Variants in ANK2 observed in about 807,000 individuals in gnomAD.
ANK2 encodes ankyrin 2.
In ANK2, 83 loss-of-function variants were observed where a neutral mutation model predicts 360.5. The observed-to-expected ratio is 0.23, with a 90% confidence interval of 0.19 to 0.28. The LOEUF (loss-of-function observed/expected upper bound fraction) is 0.28, where lower values mean the gene tolerates loss of function less well. ANK2 is among the 10% of genes least tolerant of loss of function. The pLI, the probability that ANK2 is intolerant of heterozygous loss-of-function variation, is 1.00. For missense variants in ANK2, 4,201 were observed against 4,795.7 expected (o/e 0.88, Z 3.66); for synonymous variants, 1,740 against 1,759.5 (o/e 0.99, Z 0.28).
intron 1 of ANK2, among the ~76,000 whole-genome samples, chr4:113,148,481 A>G (rs1421175581): frequency 3.3e-5 from 5 of 151,920 alleles, no homozygotes; most frequent in East Asian, 1.9e-4. Flanking sequence ...ATTTTTAACA[A>G]TTTTTCCCAA....
At chr4:113,051,151 T>C (rs1170357422) in intron 1 of ANK2, among the ~76,000 whole-genome samples, 4 of 151,830 alleles carry the variant, frequency 2.6e-5, no homozygotes, top group Non-Finnish European at 5.9e-5. Context: ...TGTTAGCTAA[T>C]TGAACAACAT....
chr4:112,810,427 T>C, the ANK2 span, among the ~76,000 whole-genome samples: 2 of 152,148 alleles, frequency 1.3e-5, no homozygotes, highest in African/African-American at 4.8e-5. Flanking sequence ...GGCCCCAGTG[T>C]GTTTTCCAGC....
Position 113,353,879 on chromosome 4 carries a change from C to G in ANK2, c.5261C>G (p.Thr1754Arg). Reference sequence around the variant, plus strand: ...GAACCCCTTCCCACTGTCAAGGCCACATCTCCTTTGATAGAAGAAACTCCC... The same window carrying G: ...GAACCCCTTCCCACTGTCAAGGCCAGATCTCCTTTGATAGAAGAAACTCCC... Reference protein sequence around the residue: ...APEPLPTVKATSPLIEETPIG... With the variant: ...APEPLPTVKARSPLIEETPIG... Residue 1754 changes from threonine to arginine, a missense_variant, in exon 38 of 46, where the codon ACA becomes AGA. Transcript: ENST00000357077. 1 of 1,614,080 alleles carries G rather than the reference C, an allele frequency of 6.2e-7. No individual in the cohort carries two copies. Among genetic ancestry groups the G allele is most frequent in the Non-Finnish European group, 8.5e-7 (1 of 1,179,970 alleles).
chr4:113,250,316 G>T (rs1369018869), intron 10 of ANK2, among the ~76,000 whole-genome samples: 1 of 152,182 alleles, frequency 6.6e-6, no homozygotes, highest in Non-Finnish European at 1.5e-5. Flanking sequence ...TTACTCAACA[G>T]TGGCATTGGT....
chr4:112,791,747 TC>T, the ANK2 span, among the ~76,000 whole-genome samples: 1 of 152,048 alleles, frequency 6.6e-6, no homozygotes, highest in Non-Finnish European at 1.5e-5. Flanking sequence ...CACCTCGGCC[TC>T]CCAAAGTGCT....
the ANK2 span, among the ~76,000 whole-genome samples, chr4:112,781,008 T>C: frequency 1.3e-5 from 2 of 152,212 alleles, no homozygotes; most frequent in African/African-American, 4.8e-5. Context: ...AAAAAGTTAT[T>C]ATTTTTTTGA....
chr4:113,359,010 G>T lies in ANK2; in HGVS notation c.10392G>T (p.Lys3464Asn). The T allele has an allele frequency of 6.2e-7, 1 of 1,614,108 alleles. No individual in the cohort carries two copies. The highest frequency in any genetic ancestry group is 8.5e-7 in the Non-Finnish European group (1 of 1,179,966). The change falls in exon 38 of 46, where the codon AAG becomes AAT. Residue 3464 changes from lysine to asparagine, a missense_variant. Lys to Asn is a moderately conservative substitution (Grantham distance 94). Transcript: ENST00000357077. ...RGGTSPTKES[K>N]EHFFDLYRNS... is the part of the protein sequence containing the mutation. ...GCACGAGCCCCACAAAAGAAAGTAA[G>T]GAGCATTTCTTTGACCTTTACAGAA...
intron 29 of ANK2, among the ~76,000 whole-genome samples, chr4:113,335,248 C>A (rs561048864): frequency 6.6e-6 from 1 of 152,144 alleles, no homozygotes; most frequent in African/African-American, 2.4e-5. Context: ...AATATTGAAA[C>A]CCTGAATTCC....
chr4:113,173,546 T>G (rs1021939411), intron 1 of ANK2, among the ~76,000 whole-genome samples: 4 of 152,052 alleles, frequency 2.6e-5, no homozygotes, highest in African/African-American at 9.7e-5. Context: ...TTTATCATCG[T>G]TATTATGTTA....
At chr4:112,783,338 G>A in the ANK2 span, among the ~76,000 whole-genome samples, 1 of 152,120 alleles carries the variant, frequency 6.6e-6, no homozygotes, top group African/African-American at 2.4e-5. Flanking sequence ...TTATATGTTG[G>A]GCTGGAACAT....
rs1240680223 is a variant in ANK2 at position 112,986,170 on chromosome 4, A to G, written c.21+81656A>G. ...TTCAAAATCCAGGTAAGTTCAGTTT[A>G]ACTCTCTAGTTTTTTTTTGATAATT... On this transcript the variant is annotated intron_variant, in intron 2 of 30. Transcript: ENST00000503271. 2.0e-5 allele frequency among the ~76,000 whole-genome samples: 3 copies of G among 151,400 alleles called. No individual in the cohort carries two copies. In the East Asian group the frequency reaches 5.8e-4, roughly 29 times the overall value.
intron 17 of ANK2, among the ~76,000 whole-genome samples, chr4:113,279,962 A>G (rs1380669483): frequency 6.6e-6 from 1 of 152,080 alleles, no homozygotes; most frequent in Non-Finnish European, 1.5e-5. Flanking sequence ...ATTCATTTGC[A>G]TATCTATGAG....
chr4:113,090,408 T>C (rs966719062), intron 1 of ANK2, among the ~76,000 whole-genome samples: 1 of 152,226 alleles, frequency 6.6e-6, no homozygotes, highest in African/African-American at 2.4e-5. Context: ...TTACTTCTTT[T>C]TTTAAGGGAT....
At chr4:113,333,605 G>C (rs1009367759) in intron 29 of ANK2, among the ~76,000 whole-genome samples, 4 of 152,112 alleles carry the variant, frequency 2.6e-5, no homozygotes, top group African/African-American at 9.7e-5. Flanking sequence ...TGCCTAACTT[G>C]AAACATTAGA....
At chr4:112,752,148 T>A in the ANK2 span, among the ~76,000 whole-genome samples, 2 of 152,232 alleles carry the variant, frequency 1.3e-5, no homozygotes, top group Admixed American at 1.3e-4. Flanking sequence ...TATTCTCCAC[T>A]GGACACTGTG....
intron 1 of ANK2, 61 bp downstream of exon 1, chr4:113,049,873 G>A: frequency 6.3e-7 from 1 of 1,577,864 alleles, no homozygotes; most frequent in Non-Finnish European, 8.7e-7. Context: ...ATGTGTGAGT[G>A]TGTAATATCA....
At chr4:112,711,060 G>T in the ANK2 span, among the ~76,000 whole-genome samples, 50,600 of 150,792 alleles carry the variant, frequency 0.34, 9,136 homozygotes, top group African/African-American at 0.44. Flanking sequence ...AAAGTGCTAG[G>T]ATTACAGGTG....
intron 4 of ANK2, among the ~76,000 whole-genome samples, chr4:113,223,607 G>A (rs962806426): frequency 2.6e-5 from 4 of 152,092 alleles, no homozygotes; most frequent in African/African-American, 9.7e-5. Flanking sequence ...GAAAATAAAT[G>A]TCTAAGATAT....
chr4:112,749,161 C>A, the ANK2 span, among the ~76,000 whole-genome samples: 112,860 of 152,068 alleles, frequency 0.74, 42,649 homozygotes, highest in East Asian at 0.97. Context: ...CGGCCTCCCA[C>A]AGTGCTGGGA....
Sources: gnomAD v4.1 joint callset for allele counts (sites outside exome capture counted in the v4.1 genomes callset) on GRCh38, gnomAD v4.1.1 for gene constraint, MANE v1.5 for transcripts, NCBI Gene and HGNC (gene_info 2026-07-23, HGNC 2026-07-21) for gene names.